The following NCAM1 variants were observed in gnomAD, a reference collection of about 807,000 sequenced individuals.
NCAM1 encodes antigen recognized by monoclonal antibody 5.1H11.
In NCAM1, 14 loss-of-function variants were observed where a neutral mutation model predicts 109.8. That is an observed-to-expected ratio of 0.13 (90% CI 0.08 to 0.20). The LOEUF (loss-of-function observed/expected upper bound fraction) is 0.20, where lower values mean the gene tolerates loss of function less well. Ranked by LOEUF, NCAM1 falls within the 10% of genes least tolerant of loss-of-function variation. The probability of loss-of-function intolerance (pLI) is 1.00; values close to 1 mark genes in which losing one functional copy is unlikely to be tolerated. For missense variants in NCAM1, 774 were observed against 1,109.9 expected (o/e 0.70, Z 4.30); for synonymous variants, 418 against 442.9 (o/e 0.94, Z 0.70).
intron 1 of NCAM1, among the ~76,000 whole-genome samples, chr11:113,104,207 T>C (rs1284624688): frequency 2.1e-4 from 4 of 19,280 alleles, no homozygotes; most frequent in African/African-American, 4.3e-4. Context: ...GGAGGTGGGG[T>C]GGGGGGGGGG....
intron 1 of NCAM1, among the ~76,000 whole-genome samples, chr11:113,001,980 T>C (rs1951765433): frequency 6.6e-6 from 1 of 152,188 alleles, no homozygotes; most frequent in Non-Finnish European, 1.5e-5. Context: ...CCCGCAATTC[T>C]AGACTACTCA....
intron 1 of NCAM1, among the ~76,000 whole-genome samples, chr11:113,055,978 G>GATATATATATATAT (rs58693567): frequency 1.7e-5 from 1 of 60,046 alleles, no homozygotes; most frequent in Non-Finnish European, 3.3e-5. Flanking sequence ...AAGAAAATGT[G>GATATATATATATAT]ATATATATAT....
chr11:113,199,422 G>T (rs1943964040), intron 1 of NCAM1, among the ~76,000 whole-genome samples: 1 of 152,076 alleles, frequency 6.6e-6, no homozygotes, highest in Non-Finnish European at 1.5e-5. Context: ...GTTTGGGGAA[G>T]AATAATCAGC....
At chr11:113,070,927 C>T (rs1394114329) in intron 1 of NCAM1, among the ~76,000 whole-genome samples, 3 of 152,212 alleles carry the variant, frequency 2.0e-5, no homozygotes, top group Admixed American at 6.5e-5. Flanking sequence ...ACAAATTTAT[C>T]GCTAACGCAG....
chr11:113,110,581 G>A (rs1940401828), intron 1 of NCAM1, among the ~76,000 whole-genome samples: 2 of 152,292 alleles, frequency 1.3e-5, no homozygotes, highest in Admixed American at 1.3e-4. Flanking sequence ...GGATCGCTGG[G>A]TTCTAAATAG....
Position 113,206,101 on chromosome 11 carries a change from T to G in NCAM1, c.549T>G (p.Asp183Glu). The G allele has an allele frequency of 6.2e-7, 1 of 1,613,904 alleles. No individual in the cohort carries two copies. Among genetic ancestry groups the G allele is most frequent in the South Asian group, 1.1e-5 (1 of 91,074 alleles). ...AGATCCGGGGCATCAAGAAAACAGA[T>G]GAGGGCACTTATCGCTGTGAGGGCA... ...YLQIRGIKKT[D>E]EGTYRCEGRI... is the part of the protein sequence containing the mutation. The change falls in exon 5 of 20, where the codon GAT becomes GAG. Residue 183 changes from aspartate (D) to glutamate (E), a missense_variant. Around this residue, in one of 4 missense-constraint regions of NCAM1, gnomAD observed 523 missense variants for 784.2 expected, o/e 0.67. Transcript: ENST00000316851.
At chr11:113,068,412 A>G (rs1938083067) in intron 1 of NCAM1, among the ~76,000 whole-genome samples, 1 of 152,152 alleles carries the variant, frequency 6.6e-6, no homozygotes, top group Non-Finnish European at 1.5e-5. Context: ...AAATTAAATG[A>G]AATAATTTTG....
chr11:112,972,027 T>G (rs10789930), intron 1 of NCAM1, among the ~76,000 whole-genome samples: 23,569 of 152,138 alleles, frequency 0.15, 2,462 homozygotes, highest in East Asian at 0.46. Context: ...CAAGGGTGGA[T>G]GATGGATCCC....
At chr11:113,265,655 C>T (rs923724333) in intron 17 of NCAM1, among the ~76,000 whole-genome samples, 1 of 152,156 alleles carries the variant, frequency 6.6e-6, no homozygotes, top group Non-Finnish European at 1.5e-5. Context: ...TCCTGCAAGC[C>T]CCTGAGACCA....
intron 1 of NCAM1, among the ~76,000 whole-genome samples, chr11:113,038,277 T>C (rs564943605): frequency 6.6e-6 from 1 of 152,334 alleles, no homozygotes; most frequent in South Asian, 2.1e-4. Context: ...CCCACTGCTC[T>C]CTGGCCTCCT....
intron 1 of NCAM1, among the ~76,000 whole-genome samples, chr11:113,139,839 C>T (rs1555100093): frequency 6.6e-6 from 1 of 152,094 alleles, no homozygotes; most frequent in East Asian, 1.9e-4. Flanking sequence ...AATAGACTCT[C>T]ACCCATAGAA....
At chr11:113,082,268 T>C (rs1938858120) in intron 1 of NCAM1, among the ~76,000 whole-genome samples, 1 of 152,232 alleles carries the variant, frequency 6.6e-6, no homozygotes, top group African/African-American at 2.4e-5. Context: ...CCGCATACTC[T>C]TAAGGCTACT....
intron 1 of NCAM1, among the ~76,000 whole-genome samples, chr11:113,008,906 G>A (rs1380264859): frequency 1.3e-5 from 2 of 152,190 alleles, no homozygotes; most frequent in East Asian, 3.8e-4. Context: ...AGCCTGAATA[G>A]AGCTGAGTCA....
intron 1 of NCAM1, among the ~76,000 whole-genome samples, chr11:113,178,872 A>G (rs1361714998): frequency 6.6e-6 from 1 of 152,222 alleles, no homozygotes; most frequent in Non-Finnish European, 1.5e-5. Context: ...TCTCATTTGC[A>G]TCAGCTCACT....
At chr11:113,003,270 G>A (rs563484774) in intron 1 of NCAM1, among the ~76,000 whole-genome samples, 36 of 152,346 alleles carry the variant, frequency 2.4e-4, no homozygotes, top group African/African-American at 7.7e-4. Flanking sequence ...CATATCAGAA[G>A]AGTACTGATG....
chr11:113,032,715 C>T (rs1555078521), intron 1 of NCAM1, among the ~76,000 whole-genome samples: 3 of 152,014 alleles, frequency 2.0e-5, no homozygotes, highest in South Asian at 2.1e-4. Context: ...GAGAAGTGTT[C>T]GAGACTTACA....
chr11:113,263,023 C>G, intron 17 of NCAM1: 1 of 1,526,984 alleles, frequency 6.5e-7, no homozygotes, highest in Non-Finnish European at 8.8e-7. Context: ...ACCATGGCCA[C>G]AGCTGCTGAG....
chr11:113,199,737 A>G (rs1006428855), intron 1 of NCAM1, among the ~76,000 whole-genome samples: 3 of 150,904 alleles, frequency 2.0e-5, no homozygotes, highest in Non-Finnish European at 4.4e-5. Flanking sequence ...TACATATGTA[A>G]CTAACCTGCA....
intron 1 of NCAM1, among the ~76,000 whole-genome samples, chr11:112,996,469 C>A (rs2134906252): frequency 6.6e-6 from 1 of 152,262 alleles, no homozygotes; most frequent in Admixed American, 6.5e-5. Flanking sequence ...ACGTACTTAA[C>A]CTTTCACTGT....
Sources: gnomAD v4.1 joint callset for allele counts (sites outside exome capture counted in the v4.1 genomes callset) on GRCh38, gnomAD v4.1.1 for gene constraint, gnomAD v4.1.1 regional missense constraint, MANE v1.5 for transcripts, NCBI Gene and HGNC (gene_info 2026-07-23, HGNC 2026-07-21) for gene names.